PPIL4: variants seen among roughly 807,000 people sequenced by gnomAD.
PPIL4 encodes peptidyl-prolyl cis-trans isomerase-like 4.
Under a neutral mutation model 69.1 loss-of-function variants are expected in PPIL4, and 50 were observed. That is an observed-to-expected ratio of 0.72 (90% CI 0.58 to 0.92). The LOEUF is 0.92. PPIL4 is among the 40% of genes least tolerant of loss of function. The pLI is 0.00. For missense variants in PPIL4, 480 were observed against 587.9 expected, an observed-to-expected ratio of 0.82 and a Z score of 1.90; for synonymous variants, 193 against 191.6, an observed-to-expected ratio of 1.01 and a Z score of -0.06.
intron 7 of PPIL4, among the ~76,000 whole-genome samples, chr6:149,528,074 A>G (rs28477545): frequency 6.6e-6 from 1 of 152,182 alleles, no homozygotes; most frequent in Non-Finnish European, 1.5e-5. Context: ...CACGCAACAT[A>G]GTAAGACCTT....
intron 1 of PPIL4, among the ~76,000 whole-genome samples, chr6:149,545,524 C>G (rs533322468): frequency 3.9e-5 from 6 of 152,262 alleles, no homozygotes; most frequent in African/African-American, 1.4e-4. Context: ...GCCAAGCACA[C>G]CCTAACTGCC....
rs575724923 is a variant in PPIL4, at chr6:149,515,529, C to T, written c.1079+1825G>A. ...CAATATTTATTTGCAATAATTTAGA[C>T]GTATTTAGAATGGTAATTATTTAAT... On this transcript the variant is annotated intron_variant, in intron 11 of 12. Transcript: ENST00000253329. Among the ~76,000 whole-genome samples the T allele has an allele frequency of 1.3e-4, 20 of 152,226 alleles. 1 individual carries two copies. Among genetic ancestry groups the T allele is most frequent in the African/African-American group, 3.6e-4 (15 of 41,548 alleles).
chr6:149,533,834 T>C (rs1777235214), intron 6 of PPIL4, among the ~76,000 whole-genome samples: 1 of 152,148 alleles, frequency 6.6e-6, no homozygotes, highest in Admixed American at 6.6e-5. Context: ...ATATTAATTC[T>C]AAAATATTAG....
At chr6:149,518,110 T>C (rs1008670056) in intron 10 of PPIL4, among the ~76,000 whole-genome samples, 6 of 152,036 alleles carry the variant, frequency 3.9e-5, no homozygotes, top group African/African-American at 1.2e-4. Flanking sequence ...GGGTGGGTAA[T>C]AGCACCAAAG....
intron 4 of PPIL4, among the ~76,000 whole-genome samples, chr6:149,536,136 G>A (rs2115038574): frequency 6.6e-6 from 1 of 151,706 alleles, no homozygotes; most frequent in East Asian, 1.9e-4. Flanking sequence ...ATTGTTTTGG[G>A]GCACCACAAA....
intron 1 of PPIL4, among the ~76,000 whole-genome samples, chr6:149,543,309 A>AAT (rs1289354853): frequency 3.9e-5 from 6 of 152,220 alleles, no homozygotes; most frequent in African/African-American, 1.4e-4. Context: ...AAAATATGTT[A>AAT]ACGCACCCAG....
intron 7 of PPIL4, among the ~76,000 whole-genome samples, chr6:149,531,151 G>A (rs1057058747): frequency 6.6e-6 from 1 of 151,946 alleles, no homozygotes; most frequent in Non-Finnish European, 1.5e-5. Flanking sequence ...ATCGCCTGAG[G>A]TCGGGAGTTG....
Position 149,545,993 on chromosome 6 carries a change from G to C in PPIL4, c.13C>G (p.Leu5Val), listed in dbSNP as rs757613418. 7.3e-5 allele frequency: 116 copies of C among 1,582,428 alleles called. No individual in the cohort carries two copies. The highest frequency in any genetic ancestry group is 9.8e-5 in the Non-Finnish European group (114 of 1,161,554). The change falls in exon 1 of 13, where the codon CTG (leucine) becomes GTG (valine). Residue 5 changes from leucine (L) to valine (V), a missense_variant. Leu to Val is a conservative substitution (Grantham distance 32). Transcript: ENST00000253329. ...ACGACGTCGCCTAAAGTGGTCTCCA[G>C]TAGAACCGCCATGGCGCCCGCTCCT... MAVL[L>V]ETTLGDVVID...
chr6:149,532,606 T>C (rs1487527158), intron 7 of PPIL4, among the ~76,000 whole-genome samples: 2 of 152,206 alleles, frequency 1.3e-5, no homozygotes, highest in Non-Finnish European at 2.9e-5. Flanking sequence ...TTGATGGTAA[T>C]ATAAACTTAA....
At chr6:149,544,160 C>T (rs62442798) in intron 1 of PPIL4, among the ~76,000 whole-genome samples, 29,668 of 152,000 alleles carry the variant, frequency 0.2, 4,405 homozygotes, top group East Asian at 0.77. Flanking sequence ...ATTTATTTTG[C>T]CAGGTGCTAC....
At chr6:149,509,474 TG>T (rs1222836362) in intron 12 of PPIL4, among the ~76,000 whole-genome samples, 1 of 152,106 alleles carries the variant, frequency 6.6e-6, no homozygotes, top group African/African-American at 2.4e-5. Context: ...AAGCAGCACA[TG>T]GAGGGGGAAA....
At chr6:149,544,927 T>C (rs1777416355) in intron 1 of PPIL4, among the ~76,000 whole-genome samples, 1 of 152,196 alleles carries the variant, frequency 6.6e-6, no homozygotes, top group Non-Finnish European at 1.5e-5. Context: ...TGTTTGTAAC[T>C]AATCTCTCCT....
chr6:149,515,398 G>C (rs1776928801), intron 11 of PPIL4, among the ~76,000 whole-genome samples: 1 of 151,908 alleles, frequency 6.6e-6, no homozygotes, highest in Non-Finnish European at 1.5e-5. Flanking sequence ...CTCCACCTCA[G>C]CCCTCCTATC....
chr6:149,533,708 TCACAC>T, intron 6 of PPIL4, 134 bp from the exon 7 acceptor site: 1 of 542,686 alleles, frequency 1.8e-6, no homozygotes, highest in East Asian at 3.1e-5. Flanking sequence ...TGAGCTACAA[TCACAC>T]CACTGCACTC....
intron 10 of PPIL4, among the ~76,000 whole-genome samples, chr6:149,519,631 C>T (rs1234826293): frequency 6.6e-6 from 1 of 152,166 alleles, no homozygotes; most frequent in Non-Finnish European, 1.5e-5. Context: ...TCCTTTATCA[C>T]AGAGATCACA....
Position 149,512,197 on chromosome 6 carries a change from C to G in PPIL4, c.1185G>C (p.Glu395Asp). Reference sequence around the variant, plus strand: ...TTGGCATGTAGTCCTCATCTTCTTTCTCTTCAGAACAGTGATGGGTTTTCT... The same window carrying G: ...TTGGCATGTAGTCCTCATCTTCTTTGTCTTCAGAACAGTGATGGGTTTTCT... ...HKKKTHHCSEEKEDEDYMPIK... is the reference protein window; with the variant it reads ...HKKKTHHCSEDKEDEDYMPIK... Residue 395 changes from glutamate to aspartate, a missense_variant, in exon 12 of 13, where the codon GAG (glutamate) becomes GAC (aspartate). Physicochemically the swap from Glu to Asp is conservative, Grantham distance 45 (BLOSUM62 2). Coordinates refer to ENST00000253329, the MANE Select transcript of PPIL4 (RefSeq NM_139126.4). 6.2e-7 allele frequency: 1 copy of G among 1,613,180 alleles called. No homozygotes were observed. The highest frequency in any genetic ancestry group is 8.5e-7 in the Non-Finnish European group (1 of 1,179,516).
intron 10 of PPIL4, among the ~76,000 whole-genome samples, chr6:149,518,767 G>A (rs1330771876): frequency 6.6e-6 from 1 of 152,158 alleles, no homozygotes; most frequent in Non-Finnish European, 1.5e-5. Flanking sequence ...AACAGAAAGG[G>A]CACCAGATTA....
intron 12 of PPIL4, among the ~76,000 whole-genome samples, chr6:149,508,187 G>T (rs960680605): frequency 5.9e-5 from 9 of 152,120 alleles, no homozygotes; most frequent in African/African-American, 2.2e-4. Flanking sequence ...AAATTAAAAA[G>T]GGGGGAGTGG....
At chr6:149,510,132 C>T (rs1039914695) in intron 12 of PPIL4, among the ~76,000 whole-genome samples, 3 of 152,012 alleles carry the variant, frequency 2.0e-5, no homozygotes, top group African/African-American at 7.3e-5. Context: ...GGCCTGAAAA[C>T]GGGATGAGGC....
Sources: allele counts gnomAD v4.1 joint callset (sites outside exome capture counted in the v4.1 genomes callset), GRCh38; gene constraint gnomAD v4.1.1; transcripts MANE v1.5; gene names NCBI Gene and HGNC (gene_info 2026-07-23, HGNC 2026-07-21).